UBE2E3: variants seen among roughly 807,000 people sequenced by gnomAD.
The protein encoded by UBE2E3 is ubiquitin conjugating enzyme E2 E3.
UBE2E3 carries 5 observed loss-of-function variants against 23.6 expected under a neutral mutation model. That is an observed-to-expected ratio of 0.21 (90% CI 0.11 to 0.44). UBE2E3 has a LOEUF of 0.44. Ranked by LOEUF, UBE2E3 falls within the 20% of genes least tolerant of loss-of-function variation. UBE2E3 has a pLI of 0.99. For missense variants in UBE2E3, 81 were observed against 249.8 expected, an observed-to-expected ratio of 0.32 and a Z score of 4.55; for synonymous variants, 78 against 87.5, an observed-to-expected ratio of 0.89 and a Z score of 0.60.
At chr2:181,012,343 G>T (rs1237077559) in intron 3 of UBE2E3, among the ~76,000 whole-genome samples, 2 of 152,124 alleles carry the variant, frequency 1.3e-5, no homozygotes, top group African/African-American at 4.8e-5. Flanking sequence ...AGTTACAGTT[G>T]TCATTTGAAT....
chr2:181,002,067 T>C (rs962054907), intron 3 of UBE2E3, among the ~76,000 whole-genome samples: 5 of 152,186 alleles, frequency 3.3e-5, no homozygotes, highest in African/African-American at 9.6e-5. Context: ...AGAAGCCTAG[T>C]TGGCATTAGC....
intron 3 of UBE2E3, among the ~76,000 whole-genome samples, chr2:181,034,414 A>G (rs1268589092): frequency 6.6e-6 from 1 of 152,248 alleles, no homozygotes; most frequent in Non-Finnish European, 1.5e-5. Flanking sequence ...ATTCTCAGCA[A>G]ACTGTTGCAA....
At chr2:181,012,601 T>C (rs1685365495) in intron 3 of UBE2E3, among the ~76,000 whole-genome samples, 1 of 152,226 alleles carries the variant, frequency 6.6e-6, no homozygotes, top group Non-Finnish European at 1.5e-5. Flanking sequence ...AAGTAATCTC[T>C]TTGTTATCTA....
At chr2:181,034,284 C>A (rs1686189716) in intron 3 of UBE2E3, among the ~76,000 whole-genome samples, 1 of 152,184 alleles carries the variant, frequency 6.6e-6, no homozygotes. Flanking sequence ...ACCCAAATGT[C>A]CATCAATGAT....
At chr2:181,029,109 A>G (rs1316256739) in intron 3 of UBE2E3, among the ~76,000 whole-genome samples, 1 of 152,096 alleles carries the variant, frequency 6.6e-6, no homozygotes, top group South Asian at 2.1e-4. Flanking sequence ...CTAGAGTGCC[A>G]TCTGTCATTT....
chr2:181,031,464 C>T (rs939446545), intron 3 of UBE2E3, among the ~76,000 whole-genome samples: 2 of 151,674 alleles, frequency 1.3e-5, no homozygotes, highest in African/African-American at 4.8e-5. Context: ...ATATTTTTAC[C>T]GTTTTTGTTT....
intron 3 of UBE2E3, among the ~76,000 whole-genome samples, chr2:181,018,338 CAT>C (rs1016568224): frequency 6.0e-5 from 9 of 151,154 alleles, no homozygotes; most frequent in Admixed American, 2.0e-4. Flanking sequence ...TGTGTTTACA[CAT>C]GTGTTTAATA....
At chr2:181,022,418 T>A (rs533264294) in intron 3 of UBE2E3, among the ~76,000 whole-genome samples, 48 of 152,232 alleles carry the variant, frequency 3.2e-4, no homozygotes, top group African/African-American at 1.1e-3. Flanking sequence ...AATAAAAGAT[T>A]ATCTTTTTTT....
Position 181,055,225 on chromosome 2 carries a change from G to A in UBE2E3, c.246-2468G>A, listed in dbSNP as rs577165343. Among the ~76,000 whole-genome samples the A allele has an allele frequency of 1.8e-4, 28 of 151,822 alleles. No homozygotes were observed. The East Asian group carries it at 2.3e-3, about 13-fold the overall frequency. On this transcript the variant is annotated intron_variant, in intron 3 of 5. Transcript: ENST00000410062. ...GGAAAGATGATTGAGATGGAAACTC[G>A]AAGGGAGAGAGAAATAGAGATTTTA...
At chr2:181,038,797 G>T (rs1686381718) in intron 3 of UBE2E3, among the ~76,000 whole-genome samples, 1 of 152,190 alleles carries the variant, frequency 6.6e-6, no homozygotes, top group African/African-American at 2.4e-5. Flanking sequence ...AGATGTTACT[G>T]ATGAAGCTGT....
chr2:180,981,742 C>T (rs941649405), intron 1 of UBE2E3, among the ~76,000 whole-genome samples: 1 of 152,192 alleles, frequency 6.6e-6, no homozygotes, highest in Non-Finnish European at 1.5e-5. Context: ...AAATCTGTTT[C>T]ATGCCTTCTG....
intron 3 of UBE2E3, chr2:180,990,179 C>T (rs1574158288): frequency 1.9e-6 from 1 of 538,222 alleles, no homozygotes; most frequent in Non-Finnish European, 3.3e-6. Context: ...CCCCAGCCAC[C>T]AGGCTAGGCG....
intron 3 of UBE2E3, among the ~76,000 whole-genome samples, chr2:181,053,332 T>G (rs986589448): frequency 4.7e-4 from 71 of 151,916 alleles, no homozygotes; most frequent in African/African-American, 1.7e-3. Context: ...TTAAATAAAT[T>G]TTGTGGACCA....
intron 3 of UBE2E3, among the ~76,000 whole-genome samples, chr2:181,056,760 G>A (rs1318594571): frequency 1.3e-5 from 2 of 151,732 alleles, no homozygotes; most frequent in Non-Finnish European, 2.9e-5. Flanking sequence ...CAGGATATTT[G>A]CCTGGTCTTG....
Position 181,011,071 on chromosome 2 carries a change from C to T in UBE2E3, c.245+26978C>T, listed in dbSNP as rs114406272. 5.8e-3 allele frequency among the ~76,000 whole-genome samples: 885 copies of T among 151,870 alleles called. 12 individuals are homozygous for T. The highest frequency in any genetic ancestry group is 0.02 in the African/African-American group (844 of 41,408). On this transcript the variant is annotated intron_variant, in intron 3 of 5. Coordinates refer to ENST00000410062, the MANE Select transcript of UBE2E3 (RefSeq NM_006357.4). ...TTAAAGAGAGACTAGGTGACTTGAG[C>T]ACAGGGTCTTGACTTTTTTTTTTTT...
chr2:181,029,196 G>A (rs1219154170), intron 3 of UBE2E3, among the ~76,000 whole-genome samples: 2 of 151,956 alleles, frequency 1.3e-5, no homozygotes, highest in South Asian at 2.1e-4. Flanking sequence ...TGCACAAATA[G>A]TACATGATAT....
At chr2:181,011,242 A>G (rs952889553) in intron 3 of UBE2E3, among the ~76,000 whole-genome samples, 1 of 152,096 alleles carries the variant, frequency 6.6e-6, no homozygotes, top group Non-Finnish European at 1.5e-5. Flanking sequence ...TAGAAAATCC[A>G]ATATCAGGGT....
intron 3 of UBE2E3, among the ~76,000 whole-genome samples, chr2:180,993,492 A>G (rs754040299): frequency 6.6e-6 from 1 of 152,202 alleles, no homozygotes; most frequent in African/African-American, 2.4e-5. Flanking sequence ...TTGGGAGTAT[A>G]GTTCCACATC....
intron 3 of UBE2E3, among the ~76,000 whole-genome samples, chr2:181,033,779 C>T (rs1297246680): frequency 6.6e-6 from 1 of 152,092 alleles, no homozygotes; most frequent in Non-Finnish European, 1.5e-5. Context: ...GCAAGCTACC[C>T]ATCTGACAAA....
Sources: allele counts gnomAD v4.1 joint callset (sites outside exome capture counted in the v4.1 genomes callset), GRCh38; gene constraint gnomAD v4.1.1; transcripts MANE v1.5; gene names NCBI Gene and HGNC (gene_info 2026-07-23, HGNC 2026-07-21).